SIN3B: variants seen among roughly 807,000 people sequenced by gnomAD.
The protein encoded by SIN3B is paired amphipathic helix protein Sin3b.
SIN3B carries 19 observed loss-of-function variants against 120.2 expected under a neutral mutation model. That is an observed-to-expected ratio of 0.16 (90% CI 0.11 to 0.23). SIN3B has a LOEUF of 0.23. SIN3B is among the 10% of genes least tolerant of loss of function. The pLI, the probability that SIN3B is intolerant of heterozygous loss-of-function variation, is 1.00. For missense variants in SIN3B, 1,073 were observed against 1,573.0 expected (o/e 0.68, Z 5.38); for synonymous variants, 654 against 653.2 (o/e 1.00, Z -0.02).
intron 11 of SIN3B, 33 bp downstream of exon 11, chr19:16,865,681 T>TCCCCTTC (rs1568422961): frequency 3.6e-6 from 5 of 1,404,872 alleles, no homozygotes; most frequent in Non-Finnish European, 4.9e-6. Flanking sequence ...CCCTTCCCCT[T>TCCCCTTC]CCCCTTCCCC....
chr19:16,838,261 A>T (rs1321355740), intron 3 of SIN3B, among the ~76,000 whole-genome samples: 1 of 152,214 alleles, frequency 6.6e-6, no homozygotes, highest in Non-Finnish European at 1.5e-5. Flanking sequence ...GTGTTAGTAT[A>T]TTCACAATAC....
At position 16,869,056 on chromosome 19, in the gene SIN3B, T is replaced by A. The variant is rs749741326; in HGVS notation, c.1807-404T>A. Among the ~76,000 whole-genome samples the A allele has an allele frequency of 7.4e-4, 113 of 152,082 alleles. 1 individual carries two copies. The highest frequency in any genetic ancestry group is 3.2e-4 in the Non-Finnish European group (22 of 67,994). ...AATCAGGCGCCACCGTTGCTTTCAG[T>A]AGGAGGAGGTCAGCCTCAGAGGCTT... On this transcript the variant is annotated intron_variant, in intron 12 of 18. Coordinates refer to ENST00000248054, the MANE Select transcript of SIN3B (RefSeq NM_001297595.2).
At chr19:16,838,670 T>C (rs145601909) in intron 3 of SIN3B, among the ~76,000 whole-genome samples, 90 of 152,240 alleles carry the variant, frequency 5.9e-4, no homozygotes, top group African/African-American at 2.1e-3. Flanking sequence ...GAACACGTGT[T>C]TTCTTTTTCT....
At chr19:16,852,203 T>G (rs554245216) in intron 6 of SIN3B, among the ~76,000 whole-genome samples, 2 of 152,046 alleles carry the variant, frequency 1.3e-5, no homozygotes, top group African/African-American at 4.8e-5. Context: ...CTCGGCTCAC[T>G]GCAAGCTCCG....
chr19:16,876,808 C>T lies in SIN3B; in HGVS notation c.2859+230C>T, dbSNP rs371858088. On this transcript the variant is annotated intron_variant, in intron 16 of 18. Transcript: ENST00000248054. The surrounding 1 kb of genome is among the most constrained non-coding windows in gnomAD (Gnocchi z 7.1). ...GAGCAGACCACTCCTCCTGAGCAAG[C>T]GGTTGTGTCCCAGGGCAGGAGGGGA... 1.2e-4 allele frequency: 56 copies of T among 484,090 alleles called. No individual in the cohort carries two copies. The highest frequency in any genetic ancestry group is 4.2e-4 in the East Asian group (12 of 28,412). 30.0% of individuals were successfully genotyped at this position (484,090 alleles called of 1,614,324 possible). A position where few individuals can be genotyped will look rare whatever the true frequency, so the allele number is the denominator to read the frequency against.
At chr19:16,858,441 T>C (rs1282348344) in intron 8 of SIN3B, among the ~76,000 whole-genome samples, 1 of 152,212 alleles carries the variant, frequency 6.6e-6, no homozygotes, top group East Asian at 1.9e-4. Context: ...CTCAGAGTGA[T>C]GAACTGCTTT....
At chr19:16,835,334 T>C (rs575822947) in intron 3 of SIN3B, among the ~76,000 whole-genome samples, 1 of 151,700 alleles carries the variant, frequency 6.6e-6, no homozygotes, top group East Asian at 1.9e-4. Context: ...GTTCAAGTGA[T>C]TCTCCTGCCT....
At position 16,879,717 on chromosome 19, in the gene SIN3B, A is replaced by G. The variant is rs570084491; in HGVS notation, c.*990A>G. On this transcript the variant is annotated 3_prime_UTR_variant, in exon 19 of 19. Transcript: ENST00000248054. The stretch of plus-strand genomic sequence containing the variant: ...TGGGACCCACGCGGCCACTCCAGGG[A>G]TCATTGTTGTCCTTTTGTGAGGGGC... 2 of 151,772 alleles carry G rather than the reference A, an allele frequency of 1.3e-5. No individual in the cohort carries two copies. The highest frequency in any genetic ancestry group is 2.9e-5 in the Non-Finnish European group (2 of 67,958). 9.4% of individuals were successfully genotyped at this position (151,772 alleles called of 1,614,324 possible).
At chr19:16,870,344 C>T (rs1353083831) in intron 13 of SIN3B, among the ~76,000 whole-genome samples, 6 of 151,772 alleles carry the variant, frequency 4.0e-5, no homozygotes, top group Non-Finnish European at 8.8e-5. Flanking sequence ...TGGGCTTTCT[C>T]GTGGAGCCGT....
At chr19:16,860,840 G>A (rs1008447497) in intron 8 of SIN3B, among the ~76,000 whole-genome samples, 2 of 151,824 alleles carry the variant, frequency 1.3e-5, no homozygotes, top group African/African-American at 2.4e-5. Context: ...TGATCCGCCC[G>A]CCTCGGCCTC....
At chr19:16,850,746 A>T (rs1037615530) in intron 5 of SIN3B, among the ~76,000 whole-genome samples, 3 of 152,166 alleles carry the variant, frequency 2.0e-5, no homozygotes, top group African/African-American at 7.2e-5. Flanking sequence ...CCAGCCTTCC[A>T]GTATGTTCAT....
intron 8 of SIN3B, among the ~76,000 whole-genome samples, chr19:16,856,329 T>G (rs1478635415): frequency 6.6e-6 from 1 of 152,110 alleles, no homozygotes; most frequent in African/African-American, 2.4e-5. Flanking sequence ...GCCCTGTGAC[T>G]AGGGTGAGTC....
intron 12 of SIN3B, among the ~76,000 whole-genome samples, chr19:16,868,507 G>A (rs1170088830): frequency 6.6e-6 from 1 of 152,202 alleles, no homozygotes; most frequent in Non-Finnish European, 1.5e-5. Context: ...AGGGGTGATT[G>A]TCTAATGGTG....
chr19:16,856,359 C>CT (rs1408666498), intron 8 of SIN3B, among the ~76,000 whole-genome samples: 9 of 152,266 alleles, frequency 5.9e-5, no homozygotes, highest in African/African-American at 2.2e-4. Flanking sequence ...GTCTGAGCCT[C>CT]TGTTTCCTTG....
In SIN3B at chr19:16,872,879, C is replaced by T. The variant is rs575818681; in HGVS notation, c.2592+1481C>T. 5.9e-5 allele frequency among the ~76,000 whole-genome samples: 9 copies of T among 152,210 alleles called. No individual in the cohort carries two copies. In the East Asian group the frequency reaches 1.4e-3, roughly 23 times the overall value. On this transcript the variant is annotated intron_variant, in intron 14 of 18. Coordinates refer to ENST00000248054, the MANE Select transcript of SIN3B (RefSeq NM_001297595.2). The stretch of plus-strand genomic sequence containing the variant: ...GTTGAGATGAACCGGCCAAGGATTC[C>T]GAGGAACGACCCCCGATTCCGTCCA...
At chr19:16,836,776 G>A (rs1280647104) in intron 3 of SIN3B, among the ~76,000 whole-genome samples, 2 of 152,216 alleles carry the variant, frequency 1.3e-5, no homozygotes, top group Non-Finnish European at 2.9e-5. Flanking sequence ...CAGAGACAGA[G>A]ATAACCCCTT....
At chr19:16,875,984 T>A in intron 14 of SIN3B, 71 bp from the exon 15 acceptor site, 1 of 1,484,626 alleles carries the variant, frequency 6.7e-7, no homozygotes, top group African/African-American at 1.4e-5. Context: ...CTTTGTCGAC[T>A]TCCTCTGTGG....
At chr19:16,865,316 C>CAA (rs1555742994) in intron 10 of SIN3B, 94 bp from the exon 11 acceptor site, 3 of 543,638 alleles carry the variant, frequency 5.5e-6, no homozygotes, top group Non-Finnish European at 9.9e-6. Flanking sequence ...ACCCCCCCCC[C>CAA]AAAAAAATCC....
chr19:16,878,698 C>T lies in SIN3B; in HGVS notation c.3364C>T (p.Gln1122Ter). 6.2e-7 allele frequency: 1 copy of T among 1,609,904 alleles called. No homozygotes were observed. ...CCTGCCCGTGACCCGCTACCGCGTG[C>T]AGTACAGCCGCCGCCCGGCCTCGCC... ...HGLPVTRYRV[Q>*]YSRRPASP is the part of the protein sequence containing the mutation. Residue 1122 changes from glutamine to a stop codon, truncating the protein, a stop_gained, in exon 19 of 19, where the codon CAG becomes TAG. Coordinates refer to ENST00000248054, the MANE Select transcript of SIN3B (RefSeq NM_001297595.2). LOFTEE classifies it high-confidence loss of function.
Sources: gnomAD v4.1 joint callset for allele counts (sites outside exome capture counted in the v4.1 genomes callset) on GRCh38, gnomAD v4.1.1 for gene constraint, Gnocchi (gnomAD v3.1) non-coding constraint, MANE v1.5 for transcripts, NCBI Gene and HGNC (gene_info 2026-07-23, HGNC 2026-07-21) for gene names.